Variants in MTDH observed in about 807,000 individuals in gnomAD.
MTDH encodes the protein metadherin, also known as protein LYRIC.
A neutral mutation model predicts 72.7 loss-of-function variants in MTDH; 34 were observed. The observed-to-expected ratio is 0.47, with a 90% CI of 0.36 to 0.62. The LOEUF (loss-of-function observed/expected upper bound fraction) is 0.62, where lower values mean the gene tolerates loss of function less well. Ranked by LOEUF, MTDH falls within the 20% of genes least tolerant of loss-of-function variation. The pLI is 0.00. For synonymous variants in MTDH, 266 were observed against 268.9 expected, an observed-to-expected ratio of 0.99 and a Z score of 0.10; for missense variants, 677 against 699.4, an observed-to-expected ratio of 0.97 and a Z score of 0.36.
At position 97,687,413 on chromosome 8, in the gene MTDH, T is replaced by C. The variant is rs747607129; in HGVS notation, c.569-16T>C. Reference sequence around the variant, plus strand: ...TCCCCTTACTGAATAACATTTTTTTTCTGGGGCTATGTCAGGAGCCTGGGA... The same window carrying C: ...TCCCCTTACTGAATAACATTTTTTTCCTGGGGCTATGTCAGGAGCCTGGGA... On this transcript the variant is annotated splice_polypyrimidine_tract_variant and intron_variant, in intron 3 of 11. Transcript: ENST00000336273. 1 of 1,570,448 alleles carries C rather than the reference T, an allele frequency of 6.4e-7. No individual in the cohort carries two copies. Among genetic ancestry groups the C allele is most frequent in the Admixed American group, 1.9e-5 (1 of 52,284 alleles).
chr8:97,657,340 A>G (rs557272471), intron 1 of MTDH, among the ~76,000 whole-genome samples: 2 of 152,352 alleles, frequency 1.3e-5, no homozygotes, highest in East Asian at 3.9e-4. Context: ...TGTAAGCTAT[A>G]TATGAAATAA....
At chr8:97,694,834 A>G (rs1010684102) in intron 6 of MTDH, among the ~76,000 whole-genome samples, 6 of 151,974 alleles carry the variant, frequency 3.9e-5, no homozygotes, top group Non-Finnish European at 8.8e-5. Context: ...GAGACGGGAC[A>G]ATTGCTTAAA....
Position 97,690,945 on chromosome 8 carries a change from C to CT in MTDH, c.812-4dup. The CT allele has an allele frequency of 6.3e-7, 1 of 1,584,640 alleles. No individual in the cohort carries two copies. The highest frequency in any genetic ancestry group is 8.6e-7 in the Non-Finnish European group (1 of 1,166,038). On this transcript the variant is annotated splice_region_variant and splice_polypyrimidine_tract_variant and intron_variant, in intron 5 of 11. Transcript: ENST00000336273. ...TGTTTTTTAATATTCATTTTCTTTT[C>CT]TTTAAGTTTCTTCAGGATTGAATGA... is the stretch of plus-strand genomic sequence containing the variant.
intron 8 of MTDH, among the ~76,000 whole-genome samples, chr8:97,707,230 C>T (rs1814390600): frequency 1.3e-5 from 2 of 150,690 alleles, no homozygotes; most frequent in Non-Finnish European, 1.5e-5. Flanking sequence ...CAGCTCACTG[C>T]AACCTCTACC....
At chr8:97,652,325 A>G (rs1394581466) in intron 1 of MTDH, among the ~76,000 whole-genome samples, 3 of 152,124 alleles carry the variant, frequency 2.0e-5, no homozygotes, top group Non-Finnish European at 4.4e-5. Context: ...GCGCCTTTAC[A>G]TGAGCTATTA....
At chr8:97,665,058 G>A (rs1250910337) in intron 2 of MTDH, among the ~76,000 whole-genome samples, 8 of 152,104 alleles carry the variant, frequency 5.3e-5, no homozygotes, top group Admixed American at 2.6e-4. Context: ...CAGTACACCC[G>A]GCCTGCCTTT....
rs373024160 is a variant in MTDH at position 97,650,854 on chromosome 8, C to T, written c.381+5967C>T. On this transcript the variant is annotated intron_variant, in intron 1 of 11. Coordinates refer to ENST00000336273, the MANE Select transcript of MTDH (RefSeq NM_178812.4). ...AAGCGATCCTCCCACCTCAGCCTCC[C>T]GACTACCTGGGACCACAGGCACACA... Among the ~76,000 whole-genome samples, 6 of 152,162 alleles carry T rather than the reference C, an allele frequency of 3.9e-5. 1 individual carries two copies. The highest frequency in any genetic ancestry group is 2.9e-5 in the Non-Finnish European group (2 of 67,988).
At chr8:97,646,635 G>C (rs1373429807) in intron 1 of MTDH, among the ~76,000 whole-genome samples, 1 of 152,172 alleles carries the variant, frequency 6.6e-6, no homozygotes, top group Non-Finnish European at 1.5e-5. Flanking sequence ...ACACTCAAAT[G>C]ACTCATCTGA....
intron 9 of MTDH, 23 bp from the exon 10 acceptor site, chr8:97,719,026 T>C: frequency 6.4e-7 from 1 of 1,567,030 alleles, no homozygotes; most frequent in South Asian, 1.2e-5. Flanking sequence ...TTATATAATC[T>C]AATAGGTTAT....
At chr8:97,683,016 A>G (rs1813197419) in intron 2 of MTDH, among the ~76,000 whole-genome samples, 1 of 129,362 alleles carries the variant, frequency 7.7e-6, no homozygotes, top group Non-Finnish European at 1.6e-5. Flanking sequence ...TCCTAGTTTC[A>G]CCACTTTACC....
At chr8:97,657,259 A>G (rs1019218769) in intron 1 of MTDH, among the ~76,000 whole-genome samples, 1 of 152,210 alleles carries the variant, frequency 6.6e-6, no homozygotes, top group African/African-American at 2.4e-5. Flanking sequence ...AAATGATTCT[A>G]TCATTTTTCT....
At chr8:97,717,407 G>A (rs190561827) in intron 9 of MTDH, among the ~76,000 whole-genome samples, 41 of 152,282 alleles carry the variant, frequency 2.7e-4, no homozygotes, top group African/African-American at 9.6e-4. Flanking sequence ...CTTCATAAAA[G>A]TTTGAAAGTC....
intron 7 of MTDH, among the ~76,000 whole-genome samples, chr8:97,703,318 A>G (rs1289227606): frequency 6.6e-6 from 1 of 152,198 alleles, no homozygotes; most frequent in Admixed American, 6.5e-5. Flanking sequence ...TGATCTTGCC[A>G]CTGCACTCCA....
chr8:97,711,213 A>G (rs1406779210), intron 8 of MTDH, among the ~76,000 whole-genome samples: 1 of 148,208 alleles, frequency 6.7e-6, no homozygotes, highest in Non-Finnish European at 1.5e-5. Context: ...AAGAAATAAT[A>G]TAGGCCAGGC....
At chr8:97,703,176 G>A (rs1232349840) in intron 7 of MTDH, among the ~76,000 whole-genome samples, 1 of 152,054 alleles carries the variant, frequency 6.6e-6, no homozygotes, top group Non-Finnish European at 1.5e-5. Flanking sequence ...ACCAGCCTAG[G>A]CAGCATAGTG....
At chr8:97,712,251 T>C (rs1023339786) in intron 8 of MTDH, among the ~76,000 whole-genome samples, 2 of 152,238 alleles carry the variant, frequency 1.3e-5, no homozygotes, top group African/African-American at 4.8e-5. Context: ...GTGGTCAGGC[T>C]GCTCTTGAAC....
chr8:97,722,760 T>C (rs1330669764), intron 10 of MTDH, 119 bp from the exon 11 acceptor site: 9 of 963,564 alleles, frequency 9.3e-6, no homozygotes, highest in South Asian at 2.0e-5. Flanking sequence ...TTACATTGTT[T>C]ATCTGGAAAC....
chr8:97,652,913 G>C (rs1811829786), intron 1 of MTDH, among the ~76,000 whole-genome samples: 1 of 152,084 alleles, frequency 6.6e-6, no homozygotes, highest in South Asian at 2.1e-4. Context: ...CAGGTCAGGA[G>C]ATTGAGACCA....
intron 7 of MTDH, among the ~76,000 whole-genome samples, chr8:97,704,695 G>A (rs1224496651): frequency 4.6e-5 from 7 of 151,942 alleles, no homozygotes; most frequent in Non-Finnish European, 1.0e-4. Context: ...ATCATACTGT[G>A]TAGACAATTT....
Sources: gnomAD v4.1 joint callset for allele counts (sites outside exome capture counted in the v4.1 genomes callset) on GRCh38, gnomAD v4.1.1 for gene constraint, MANE v1.5 for transcripts, NCBI Gene and HGNC (gene_info 2026-07-23, HGNC 2026-07-21) for gene names.